TRRAP: variants seen among roughly 807,000 people sequenced by gnomAD.
TRRAP encodes transformation/transcription domain associated protein.
Under a neutral mutation model 438.8 loss-of-function variants are expected in TRRAP, and 41 were observed. The observed-to-expected ratio is 0.09, with a 90% CI of 0.07 to 0.12. The LOEUF (loss-of-function observed/expected upper bound fraction) is 0.12. TRRAP is among the 10% of genes least tolerant of loss of function. The pLI is 1.00. For missense variants in TRRAP, 3,122 were observed against 5,055.1 expected, an observed-to-expected ratio of 0.62 and a Z score of 11.60; for synonymous variants, 1,994 against 1,962.9, an observed-to-expected ratio of 1.02 and a Z score of -0.42.
chr7:98,906,040 G>C (rs1254431647), intron 12 of TRRAP, 137 bp from the exon 13 acceptor site: 4 of 623,338 alleles, frequency 6.4e-6, no homozygotes, highest in African/African-American at 5.7e-5. Context: ...GTGCCTTTCT[G>C]GTCTCCTCTC....
chr7:98,965,767 C>T lies in TRRAP; in HGVS notation c.7048C>T (p.Arg2350Trp), dbSNP rs1204794519. 8 of 1,614,046 alleles carry T rather than the reference C, an allele frequency of 5.0e-6. No individual in the cohort carries two copies. Among genetic ancestry groups the T allele is most frequent in the East Asian group, 2.2e-5 (1 of 44,870 alleles). Residue 2350 changes from arginine to tryptophan, a missense_variant, in exon 49 of 73, where the codon CGG (arginine) becomes TGG (tryptophan). Around this residue, in one of 24 missense-constraint regions of TRRAP, gnomAD observed 992 missense variants for 1,281.2 expected, o/e 0.77. Coordinates refer to ENST00000456197, the MANE Select transcript of TRRAP (RefSeq NM_001375524.1). ...TRLAVMSMEM[R>W]KNFIQAILTS... ...CCTGGCAGTGATGAGCATGGAGATGCGGAAGAACTTCATCCAGGCCATCCT... is the reference window on the plus strand; with the variant it reads ...CCTGGCAGTGATGAGCATGGAGATGTGGAAGAACTTCATCCAGGCCATCCT...
rs1554406035 is a variant in TRRAP at position 98,897,870 on chromosome 7, AGT to A, written c.633+7_633+8del. The A allele has an allele frequency of 6.2e-7, 1 of 1,613,776 alleles. No homozygotes were observed. The highest frequency in any genetic ancestry group is 1.1e-5 in the South Asian group (1 of 91,056). ...TGAGGACAGTGAGACTCGAACAGTA[AGT>A]GTTTCGCTGAGTTATTTCTACCCGT... On this transcript the variant is annotated splice_donor_5th_base_variant and intron_variant, in intron 8 of 72. Transcript: ENST00000456197.
chr7:98,959,384 T>C lies in TRRAP; in HGVS notation c.6383T>C (p.Val2128Ala). The C allele has an allele frequency of 6.2e-7, 1 of 1,613,520 alleles. No individual in the cohort carries two copies. Reference protein sequence around the residue: ...NTNTAGSPGEVLSRRCVNLLK... With the variant: ...NTNTAGSPGEALSRRCVNLLK... Reference sequence around the variant, plus strand: ...AACACAGCGGGGTCCCCTGGGGAGGTGCTCTCTCGCCGGTGTGTGAACCTT... The same window carrying C: ...AACACAGCGGGGTCCCCTGGGGAGGCGCTCTCTCGCCGGTGTGTGAACCTT... The change falls in exon 45 of 73, where the codon GTG becomes GCG. Residue 2128 changes from valine (V) to alanine (A), a missense_variant. Transcript: ENST00000456197.
Position 98,953,451 on chromosome 7 carries a change from C to G in TRRAP, c.5730+18C>G, listed in dbSNP as rs1791438879. 2 of 1,603,174 alleles carry G rather than the reference C, an allele frequency of 1.2e-6. No homozygotes were observed. Among genetic ancestry groups the G allele is most frequent in the African/African-American group, 1.3e-5 (1 of 75,008 alleles). On this transcript the variant is annotated intron_variant, in intron 40 of 72. Transcript: ENST00000456197. ...TCCTGCAGGTATTTTGCAAGCCCCT[C>G]CTGTCCGCCGACATCAGCGTGAATC... is the stretch of plus-strand genomic sequence containing the variant.
chr7:98,884,629 G>T (rs1250117559), intron 3 of TRRAP, among the ~76,000 whole-genome samples: 1 of 152,180 alleles, frequency 6.6e-6, no homozygotes, highest in Non-Finnish European at 1.5e-5. Context: ...CCTCACTGGA[G>T]ACACTCCCCA....
intron 33 of TRRAP, 46 bp downstream of exon 33, chr7:98,945,996 G>T: frequency 7.1e-7 from 1 of 1,400,378 alleles, no homozygotes. Context: ...TGTCGTTGCT[G>T]GTTTTGCTGT....
rs184828597 is a variant in TRRAP at position 98,953,709 on chromosome 7, C to T, written c.5730+276C>T. On this transcript the variant is annotated intron_variant, in intron 40 of 72. Coordinates refer to ENST00000456197, the MANE Select transcript of TRRAP (RefSeq NM_001375524.1). ...TCTGCCTGGGAAGATGCAAACATTC[C>T]GGAGATGATGGGGCTCATGGCTGCA... Among the ~76,000 whole-genome samples, 27 of 152,250 alleles carry T rather than the reference C, an allele frequency of 1.8e-4. No individual in the cohort carries two copies. The East Asian group carries it at 4.8e-3, about 27-fold the overall frequency.
intron 56 of TRRAP, among the ~76,000 whole-genome samples, 180 bp downstream of exon 56, chr7:98,977,256 G>C (rs1423731373): frequency 6.6e-6 from 1 of 152,148 alleles, no homozygotes; most frequent in Non-Finnish European, 1.5e-5. Flanking sequence ...CCACCTCCCA[G>C]GTTCAAGCGA....
At chr7:98,881,352 C>T in intron 2 of TRRAP, 102 bp downstream of exon 2, 1 of 1,036,338 alleles carries the variant, frequency 9.6e-7, no homozygotes, top group Non-Finnish European at 1.4e-6. Context: ...GCGGGTGGAT[C>T]ACCTGATGTC....
chr7:98,954,249 G>T (rs537726142), intron 40 of TRRAP, among the ~76,000 whole-genome samples: 4 of 152,342 alleles, frequency 2.6e-5, no homozygotes, highest in Non-Finnish European at 2.9e-5. Context: ...GGCACCCCGG[G>T]TTTGAGTGTT....
At chr7:98,965,359 G>T (rs180856041) in intron 48 of TRRAP, among the ~76,000 whole-genome samples, 45 of 152,306 alleles carry the variant, frequency 3.0e-4, no homozygotes, top group Admixed American at 9.8e-4. Flanking sequence ...GCTGTGTGGG[G>T]GTGTGGGGCT....
chr7:98,881,074 A>G lies in TRRAP; in HGVS notation c.-61-16A>G, dbSNP rs934099128. ...TGCCCTCCATAAATTGACTAACTCT[A>G]TGCTTCTTTTCATAGGCTGGTTGAA... On this transcript the variant is annotated splice_polypyrimidine_tract_variant and intron_variant, in intron 1 of 72. Transcript: ENST00000456197. 3.1e-5 allele frequency: 40 copies of G among 1,281,578 alleles called. No homozygotes were observed. In the Middle Eastern group the frequency reaches 6.0e-4, roughly 19 times the overall value. 79.4% of individuals were successfully genotyped at this position (1,281,578 alleles called of 1,614,324 possible). A position where few individuals can be genotyped will look rare whatever the true frequency, so the allele number is the denominator to read the frequency against.
Position 98,976,480 on chromosome 7 carries a change from C to T in TRRAP, c.7960-3C>T, listed in dbSNP as rs1584383402. The T allele has an allele frequency of 6.2e-7, 1 of 1,605,472 alleles. No homozygotes were observed. Among genetic ancestry groups the T allele is most frequent in the Non-Finnish European group, 8.5e-7 (1 of 1,177,532 alleles). ...GCCTAAATGACATGTGCTTTGGTTTCAGGCACTCGCGGGTGAGATAAGTCC... is the reference window on the plus strand; with the variant it reads ...GCCTAAATGACATGTGCTTTGGTTTTAGGCACTCGCGGGTGAGATAAGTCC... On this transcript the variant is annotated splice_region_variant and splice_polypyrimidine_tract_variant and intron_variant, in intron 54 of 72. Coordinates refer to ENST00000456197, the MANE Select transcript of TRRAP (RefSeq NM_001375524.1). The surrounding 1 kb of genome is among the most constrained non-coding windows in gnomAD (Gnocchi z 4.6).
At chr7:98,881,011 G>A (rs1338469035) in intron 1 of TRRAP, 79 bp from the exon 2 acceptor site, 1 of 531,370 alleles carries the variant, frequency 1.9e-6, no homozygotes, top group Non-Finnish European at 3.2e-6. Context: ...CGATTATGTA[G>A]GCCTTTAGGT....
At chr7:98,946,098 T>A in intron 33 of TRRAP, 148 bp downstream of exon 33, 2 of 785,056 alleles carry the variant, frequency 2.5e-6, no homozygotes, top group Non-Finnish European at 3.4e-6. Flanking sequence ...GGCAGAGTTG[T>A]ATCAGTATCA....
Position 98,976,428 on chromosome 7 carries a change from G to A in TRRAP, c.7960-55G>A. On this transcript the variant is annotated intron_variant, in intron 54 of 72. Coordinates refer to ENST00000456197, the MANE Select transcript of TRRAP (RefSeq NM_001375524.1). The surrounding 1 kb of genome is among the most constrained non-coding windows in gnomAD (Gnocchi z 4.6). Reference sequence around the variant, plus strand: ...AGGTATTCTTGCATCGAGAGAGACAGCAAGACTTGCCGATTTTTGAATGAA... The same window carrying A: ...AGGTATTCTTGCATCGAGAGAGACAACAAGACTTGCCGATTTTTGAATGAA... 2 of 1,583,936 alleles carry A rather than the reference G, an allele frequency of 1.3e-6. No individual in the cohort carries two copies. The highest frequency in any genetic ancestry group is 1.7e-6 in the Non-Finnish European group (2 of 1,167,210).
chr7:98,943,389 C>G (rs1320694229), intron 31 of TRRAP, among the ~76,000 whole-genome samples: 2 of 152,182 alleles, frequency 1.3e-5, no homozygotes, highest in Non-Finnish European at 2.9e-5. Context: ...GCTATTGTTT[C>G]CATTGCTTTC....
intron 41 of TRRAP, 90 bp downstream of exon 41, chr7:98,955,394 G>C (rs1791553057): frequency 7.4e-7 from 1 of 1,354,638 alleles, no homozygotes; most frequent in Non-Finnish European, 1.0e-6. Flanking sequence ...ATAATCAGGT[G>C]GTCGTTCATC....
At chr7:99,007,862 T>C (rs1794254739) in intron 69 of TRRAP, among the ~76,000 whole-genome samples, 1 of 150,084 alleles carries the variant, frequency 6.7e-6, no homozygotes, top group African/African-American at 2.5e-5. Context: ...AGTCTCGCTC[T>C]GTCGCCAGGC....
Sources: allele counts gnomAD v4.1 joint callset (sites outside exome capture counted in the v4.1 genomes callset), GRCh38; gene constraint gnomAD v4.1.1; regional missense constraint gnomAD v4.1.1; non-coding constraint Gnocchi (gnomAD v3.1); transcripts MANE v1.5; gene names NCBI Gene and HGNC (gene_info 2026-07-23, HGNC 2026-07-21).